DLGAP1: variants seen among roughly 807,000 people sequenced by gnomAD.
DLGAP1 encodes the protein disks large-associated protein 1.
In DLGAP1, 11 loss-of-function variants were observed where a neutral mutation model predicts 90.8. The observed-to-expected ratio is 0.12, with a 90% CI of 0.08 to 0.20. The LOEUF is 0.20. Among genes scored for constraint, DLGAP1 ranks in the 10% least tolerant of loss-of-function variants. The probability of loss-of-function intolerance (pLI) is 1.00; values close to 1 mark genes in which losing one functional copy is unlikely to be tolerated. For missense variants in DLGAP1, 1,050 were observed against 1,333.8 expected (o/e 0.79, Z 3.31); for synonymous variants, 558 against 540.7 (o/e 1.03, Z -0.44).
chr18:3,537,043 T>TTA (rs2144555350), intron 9 of DLGAP1, among the ~76,000 whole-genome samples: 1 of 152,048 alleles, frequency 6.6e-6, no homozygotes, highest in South Asian at 2.1e-4. Flanking sequence ...CTTTTTTTTT[T>TTA]AAAGTCGCTT....
chr18:4,400,082 C>T (rs533209518), intron 1 of DLGAP1, among the ~76,000 whole-genome samples: 4 of 152,118 alleles, frequency 2.6e-5, no homozygotes, highest in East Asian at 3.9e-4. Flanking sequence ...TGTTCCCCCA[C>T]CCCCCGCCAG....
At chr18:4,313,438 G>C (rs1262395878) in intron 1 of DLGAP1, among the ~76,000 whole-genome samples, 2 of 152,066 alleles carry the variant, frequency 1.3e-5, no homozygotes, top group Non-Finnish European at 2.9e-5. Flanking sequence ...CATGAGGGGA[G>C]TGCAACCTGG....
intron 5 of DLGAP1, chr18:3,771,234 T>A (rs1270560153): frequency 6.6e-6 from 1 of 152,260 alleles, no homozygotes; most frequent in Non-Finnish European, 1.5e-5. Context: ...CAAGCTGCGG[T>A]CCCATGGCTG....
chr18:4,241,314 C>T (rs1196994552), intron 1 of DLGAP1, among the ~76,000 whole-genome samples: 2 of 152,130 alleles, frequency 1.3e-5, no homozygotes, highest in African/African-American at 4.8e-5. Flanking sequence ...CCCCTCAGTT[C>T]GCATTTCTGA....
rs528303510 is a variant in DLGAP1, at chr18:4,247,064, A to AGTT, written c.-266-95780_-266-95778dup. ...TCACCTGAATTGGAGGAGTAGTAGTAGTTGTAATAGGACAAGGAGGAGAAG... is the reference window on the plus strand; with the variant it reads ...TCACCTGAATTGGAGGAGTAGTAGTAGTTGTTGTAATAGGACAAGGAGGAGAAG... On this transcript the variant is annotated intron_variant, in intron 1 of 12. Coordinates refer to ENST00000315677, the MANE Select transcript of DLGAP1 (RefSeq NM_004746.4). 3.1e-3 allele frequency among the ~76,000 whole-genome samples: 476 copies of AGTT among 152,282 alleles called. 2 individuals carry two copies. Among genetic ancestry groups the AGTT allele is most frequent in the African/African-American group, 0.011 (450 of 41,556 alleles).
chr18:3,694,634 G>GTT (rs1206657163), intron 7 of DLGAP1, among the ~76,000 whole-genome samples: 2 of 152,212 alleles, frequency 1.3e-5, no homozygotes, highest in Non-Finnish European at 2.9e-5. Context: ...CTAATGACAA[G>GTT]TGATGATGAA....
At chr18:3,728,574 T>C (rs1407785478) in intron 7 of DLGAP1, among the ~76,000 whole-genome samples, 1 of 152,160 alleles carries the variant, frequency 6.6e-6, no homozygotes, top group African/African-American at 2.4e-5. Flanking sequence ...ATCGAAGTTT[T>C]AAAATAGTGA....
At chr18:3,876,910 T>C (rs571650698) in intron 4 of DLGAP1, among the ~76,000 whole-genome samples, 1 of 152,288 alleles carries the variant, frequency 6.6e-6, no homozygotes, top group Non-Finnish European at 1.5e-5. Flanking sequence ...ATAATATGCT[T>C]ATTTTAAAGA....
chr18:4,081,847 T>C (rs1487946516), intron 2 of DLGAP1, among the ~76,000 whole-genome samples: 4 of 152,172 alleles, frequency 2.6e-5, no homozygotes, highest in South Asian at 2.1e-4. Flanking sequence ...CAGTCATTTT[T>C]CCCTAAAAAT....
intron 10 of DLGAP1, among the ~76,000 whole-genome samples, chr18:3,533,046 C>G (rs535290893): frequency 5.4e-4 from 82 of 152,230 alleles, no homozygotes; most frequent in South Asian, 4.4e-3. Flanking sequence ...AATCCCAGCG[C>G]TTTGGGAGGC....
chr18:3,552,649 C>A (rs2053540832), intron 9 of DLGAP1, among the ~76,000 whole-genome samples: 1 of 152,200 alleles, frequency 6.6e-6, no homozygotes, highest in African/African-American at 2.4e-5. Flanking sequence ...TATAGTCACC[C>A]TGCTCTCAAC....
chr18:4,247,661 C>T (rs927870397), intron 1 of DLGAP1, among the ~76,000 whole-genome samples: 1 of 152,050 alleles, frequency 6.6e-6, no homozygotes, highest in Non-Finnish European at 1.5e-5. Context: ...CCTGTAATCC[C>T]AGCTACTCCA....
At chr18:4,330,876 G>C (rs2080933413) in intron 1 of DLGAP1, among the ~76,000 whole-genome samples, 2 of 151,688 alleles carry the variant, frequency 1.3e-5, no homozygotes, top group Non-Finnish European at 2.9e-5. Flanking sequence ...GTTTGTTCAA[G>C]TCTTCTATAC....
chr18:4,360,812 C>G (rs935947934), intron 1 of DLGAP1, among the ~76,000 whole-genome samples: 1 of 152,144 alleles, frequency 6.6e-6, no homozygotes, highest in African/African-American at 2.4e-5. Context: ...AACCCTGTCT[C>G]TACTAAAAAC....
intron 9 of DLGAP1, among the ~76,000 whole-genome samples, chr18:3,554,543 G>A (rs1175674196): frequency 1.3e-5 from 2 of 152,184 alleles, no homozygotes; most frequent in Non-Finnish European, 2.9e-5. Context: ...GGTCCTCACC[G>A]CGAGGCAGCC....
In DLGAP1 at chr18:4,143,716, G is replaced by T. The variant is rs2076533669; in HGVS notation, c.-159+7464C>A. On this transcript the variant is annotated intron_variant, in intron 2 of 12. Transcript: ENST00000315677. Reference sequence around the variant, plus strand: ...ACCCCTAGTCACCCAAACTGGGGATGTATTGGGTCACATGTGCATCCAGCA... The same window carrying T: ...ACCCCTAGTCACCCAAACTGGGGATTTATTGGGTCACATGTGCATCCAGCA... Among the ~76,000 whole-genome samples, 3 of 152,070 alleles carry T rather than the reference G, an allele frequency of 2.0e-5. No homozygotes were observed. The South Asian group carries it at 6.2e-4, about 32-fold the overall frequency.
chr18:4,273,503 T>TCC (rs2079332937), intron 1 of DLGAP1, among the ~76,000 whole-genome samples: 1 of 152,204 alleles, frequency 6.6e-6, no homozygotes, highest in African/African-American at 2.4e-5. Context: ...AGTGCAGTGG[T>TCC]GAGATCATAG....
At chr18:3,668,942 C>T (rs1462842620) in intron 7 of DLGAP1, among the ~76,000 whole-genome samples, 1 of 151,962 alleles carries the variant, frequency 6.6e-6, no homozygotes, top group South Asian at 2.1e-4. Flanking sequence ...CGAGATCGCG[C>T]CACTGCACTC....
intron 2 of DLGAP1, among the ~76,000 whole-genome samples, chr18:4,134,885 G>A (rs1467565139): frequency 6.6e-6 from 1 of 151,978 alleles, no homozygotes; most frequent in African/African-American, 2.4e-5. Context: ...TGCCTTCCTA[G>A]AGAGGAAAAG....
Sources: gnomAD v4.1 joint callset for allele counts (sites outside exome capture counted in the v4.1 genomes callset) on GRCh38, gnomAD v4.1.1 for gene constraint, MANE v1.5 for transcripts, NCBI Gene and HGNC (gene_info 2026-07-23, HGNC 2026-07-21) for gene names.